The following PPP2R2C variants were observed in gnomAD, a reference collection of about 807,000 sequenced individuals.
PPP2R2C encodes the protein protein phosphatase 2, regulatory subunit B, gamma.
PPP2R2C carries 10 observed loss-of-function variants against 45.3 expected under a neutral mutation model. The observed-to-expected ratio is 0.22, with a 90% CI of 0.14 to 0.37. PPP2R2C has a LOEUF of 0.37. Among genes scored for constraint, PPP2R2C ranks in the 10% least tolerant of loss-of-function variants. PPP2R2C has a pLI of 1.00. For missense variants in PPP2R2C, 308 were observed against 619.7 expected (o/e 0.50, Z 5.34); for synonymous variants, 257 against 245.4 (o/e 1.05, Z -0.44).
chr4:6,471,916 C>G lies in PPP2R2C; in HGVS notation c.70+244G>C, dbSNP rs1721908619. On this transcript the variant is annotated intron_variant, in intron 1 of 8. Coordinates refer to ENST00000382599, the MANE Select transcript of PPP2R2C (RefSeq NM_020416.4). The surrounding 1 kb of genome is among the most constrained non-coding windows in gnomAD (Gnocchi z 5.6). ...GAAAGCTGCCTCCCGGAGGGCGGCGCGGAGGAGGGCGCTGCCCTGTGCCGG... is the reference window on the plus strand; with the variant it reads ...GAAAGCTGCCTCCCGGAGGGCGGCGGGGAGGAGGGCGCTGCCCTGTGCCGG... Among the ~76,000 whole-genome samples the G allele has an allele frequency of 6.6e-6, 1 of 150,728 alleles. No individual in the cohort carries two copies. Among genetic ancestry groups the G allele is most frequent in the African/African-American group, 2.4e-5 (1 of 40,952 alleles).
chr4:6,358,519 C>CAAAA (rs74576376), intron 5 of PPP2R2C, among the ~76,000 whole-genome samples: 30 of 132,760 alleles, frequency 2.3e-4, no homozygotes, highest in African/African-American at 8.0e-4. Flanking sequence ...TTCTGCACAG[C>CAAAA]AAAAAAAAAA....
intron 1 of PPP2R2C, among the ~76,000 whole-genome samples, chr4:6,399,771 A>C (rs1247629330): frequency 6.6e-6 from 1 of 152,208 alleles, no homozygotes; most frequent in East Asian, 1.9e-4. Context: ...TTAGGGGTTC[A>C]GGTGAGCTAA....
At position 6,337,112 on chromosome 4, in the gene PPP2R2C, GTATATATATATATATATA is replaced by G. The variant is rs61657951; in HGVS notation, c.791-3399_791-3382del. Among the ~76,000 whole-genome samples, 60 of 30,122 alleles carry G rather than the reference GTATATATATATATATATA, an allele frequency of 2.0e-3. 3 individuals are homozygous for G. Among genetic ancestry groups the G allele is most frequent in the African/African-American group, 5.0e-3 (49 of 9,746 alleles). The allele number at this position is 30,122 out of a possible 152,430, so 19.8% of individuals were successfully genotyped here. On this transcript the variant is annotated intron_variant, in intron 6 of 8. Transcript: ENST00000382599. Reference sequence around the variant, plus strand: ...CATCTTTGTTTCTGTATGTGTGTGTGTATATATATATATATATATATATATATATATATATATATATAT... The same window carrying G: ...CATCTTTGTTTCTGTATGTGTGTGTGTATATATATATATATATATATATAT...
At chr4:6,396,228 A>T (rs543828521) in intron 1 of PPP2R2C, among the ~76,000 whole-genome samples, 2 of 152,272 alleles carry the variant, frequency 1.3e-5, no homozygotes, top group East Asian at 3.9e-4. Flanking sequence ...GATGCCATGA[A>T]GTGCAGATCA....
chr4:6,438,183 A>C (rs977304003), intron 1 of PPP2R2C, among the ~76,000 whole-genome samples: 1 of 152,224 alleles, frequency 6.6e-6, no homozygotes, highest in Non-Finnish European at 1.5e-5. Context: ...ACCATCGTAC[A>C]GTTACTATGA....
Position 6,391,582 on chromosome 4 carries a change from A to C in PPP2R2C, c.71-10488T>G, listed in dbSNP as rs1284050715. On this transcript the variant is annotated intron_variant, in intron 1 of 8. Coordinates refer to ENST00000382599, the MANE Select transcript of PPP2R2C (RefSeq NM_020416.4). ...GATTTGTGTTAAAGGCCATGGAAAA[A>C]GGATTCCATGATCCCGGCCTCCACC... Among the ~76,000 whole-genome samples, 3 of 152,352 alleles carry C rather than the reference A, an allele frequency of 2.0e-5. No homozygotes were observed. In the East Asian group the frequency reaches 5.8e-4, roughly 29 times the overall value.
intron 2 of PPP2R2C, among the ~76,000 whole-genome samples, chr4:6,482,947 C>A (rs1308085588): frequency 6.6e-6 from 1 of 150,888 alleles, no homozygotes; most frequent in African/African-American, 2.4e-5. Context: ...AATGTGGATG[C>A]TTTTTGTTTG....
intron 1 of PPP2R2C, among the ~76,000 whole-genome samples, chr4:6,420,235 C>A (rs1361917044): frequency 6.6e-6 from 1 of 152,234 alleles, no homozygotes; most frequent in Non-Finnish European, 1.5e-5. Context: ...AGGAGGCTGG[C>A]ACACAGCCAT....
At chr4:6,511,532 T>C (rs1577229375) in intron 2 of PPP2R2C, among the ~76,000 whole-genome samples, 1 of 48,698 alleles carries the variant, frequency 2.1e-5, no homozygotes, top group African/African-American at 6.7e-5. Flanking sequence ...GTGATGGTGG[T>C]GGTGGTGGTG....
At chr4:6,359,173 G>A (rs1014118316) in intron 5 of PPP2R2C, among the ~76,000 whole-genome samples, 2 of 152,192 alleles carry the variant, frequency 1.3e-5, no homozygotes, top group African/African-American at 4.8e-5. Context: ...CCATAAAAAA[G>A]GATGAGTTCA....
At chr4:6,446,720 C>T (rs1720437229) in intron 1 of PPP2R2C, among the ~76,000 whole-genome samples, 1 of 152,110 alleles carries the variant, frequency 6.6e-6, no homozygotes, top group Admixed American at 6.5e-5. Flanking sequence ...CCTGCTCAGA[C>T]TCCCCGCCAA....
intron 2 of PPP2R2C, among the ~76,000 whole-genome samples, chr4:6,503,422 T>C (rs968486680): frequency 2.0e-5 from 3 of 152,184 alleles, no homozygotes; most frequent in Non-Finnish European, 4.4e-5. Context: ...TCCCCTCCCA[T>C]CACTTTTCTT....
chr4:6,381,453 C>G, intron 1 of PPP2R2C: 2 of 1,374,700 alleles, frequency 1.5e-6, no homozygotes, highest in Non-Finnish European at 1.9e-6. Flanking sequence ...TCTCCCACAC[C>G]TACCCCTGCC....
rs1453652431 is a variant in PPP2R2C, at chr4:6,472,179, G to T, written c.51C>A (p.Asp17Glu). 7.4e-6 allele frequency: 12 copies of T among 1,613,478 alleles called. No individual in the cohort carries two copies. The highest frequency in any genetic ancestry group is 1.0e-5 in the Non-Finnish European group (12 of 1,179,616). ...TRKINHSFLR[D>E]HSYVTEADII... ...CGTTACCTTCAGTCACATAGCTGTGGTCCCGCAGGAAGCTGTGGTTAATTT... is the reference window on the plus strand; with the variant it reads ...CGTTACCTTCAGTCACATAGCTGTGTTCCCGCAGGAAGCTGTGGTTAATTT... Residue 17 changes from aspartate to glutamate, a missense_variant, in exon 1 of 9, where the codon GAC (aspartate) becomes GAA (glutamate). Physicochemically the swap from Asp to Glu is conservative, Grantham distance 45. Transcript: ENST00000382599.
At chr4:6,525,298 G>A (rs1243247692) in intron 2 of PPP2R2C, among the ~76,000 whole-genome samples, 1 of 152,168 alleles carries the variant, frequency 6.6e-6, no homozygotes, top group African/African-American at 2.4e-5. Context: ...CCAGCTACTC[G>A]GGAGGCTGAG....
At position 6,464,892 on chromosome 4, in the gene PPP2R2C, G is replaced by C. The variant is rs534646699; in HGVS notation, c.70+7268C>G. Among the ~76,000 whole-genome samples, 8 of 136,198 alleles carry C rather than the reference G, an allele frequency of 5.9e-5. No homozygotes were observed. In the South Asian group the frequency reaches 2.2e-3, roughly 38 times the overall value. 89.4% of individuals were successfully genotyped at this position (136,198 alleles called of 152,430 possible). A position where few individuals can be genotyped will look rare whatever the true frequency, so the allele number is the denominator to read the frequency against. On this transcript the variant is annotated intron_variant, in intron 1 of 8. Transcript: ENST00000382599. ...AGAAAGTGTGTGGGGGAGAGACAGA[G>C]AGAGAGAGAAGGAAGGAAGGGAGGA...
intron 1 of PPP2R2C, among the ~76,000 whole-genome samples, chr4:6,459,513 G>A (rs923730489): frequency 2.0e-5 from 3 of 152,184 alleles, no homozygotes; most frequent in Admixed American, 6.5e-5. Context: ...CAAACCAAGG[G>A]TCAGTGTTTG....
chr4:6,388,476 A>G (rs4593210), intron 1 of PPP2R2C, among the ~76,000 whole-genome samples: 24,215 of 152,176 alleles, frequency 0.16, 2,480 homozygotes, highest in African/African-American at 0.28. Flanking sequence ...AGGTGCGGTC[A>G]TACTGGATTA....
At chr4:6,349,363 T>C in intron 5 of PPP2R2C, 2 of 974,208 alleles carry the variant, frequency 2.1e-6, no homozygotes, top group Non-Finnish European at 2.4e-6. Flanking sequence ...CTTCCTCATC[T>C]GTAAAATGAG....
Sources: gnomAD v4.1 joint callset for allele counts (sites outside exome capture counted in the v4.1 genomes callset) on GRCh38, gnomAD v4.1.1 for gene constraint, Gnocchi (gnomAD v3.1) non-coding constraint, MANE v1.5 for transcripts, NCBI Gene and HGNC (gene_info 2026-07-23, HGNC 2026-07-21) for gene names.